Variants in USH2A observed in about 807,000 individuals in gnomAD.
The protein encoded by USH2A is usherin.
USH2A carries 443 observed loss-of-function variants against 538.9 expected under a neutral mutation model. The observed-to-expected ratio is 0.82, with a 90% confidence interval of 0.76 to 0.89. The LOEUF (loss-of-function observed/expected upper bound fraction) is 0.89. Among genes scored for constraint, USH2A ranks in the 40% least tolerant of loss-of-function variants. USH2A has a pLI of 0.00. For missense variants in USH2A, 6,633 were observed against 6,324.8 expected, an observed-to-expected ratio of 1.05 and a Z score of -1.65; for synonymous variants, 2,413 against 2,273.5, an observed-to-expected ratio of 1.06 and a Z score of -1.75.
chr1:215,860,553 T>C (rs1180355531), intron 44 of USH2A, among the ~76,000 whole-genome samples: 1 of 152,136 alleles, frequency 6.6e-6, no homozygotes, highest in Non-Finnish European at 1.5e-5. Context: ...GAAAATCAAA[T>C]CTCAATGTCC....
intron 65 of USH2A, among the ~76,000 whole-genome samples, chr1:215,649,543 A>G (rs1656978821): frequency 6.6e-6 from 1 of 152,242 alleles, no homozygotes. Flanking sequence ...ATAAGCATGG[A>G]TAATCAAGGG....
chr1:215,992,141 C>G (rs867993915), intron 35 of USH2A, among the ~76,000 whole-genome samples: 5 of 152,086 alleles, frequency 3.3e-5, no homozygotes, highest in African/African-American at 1.2e-4. Context: ...AAAACTGTAA[C>G]TTTTTTCTTT....
chr1:215,632,175 G>C (rs868317195), intron 70 of USH2A, among the ~76,000 whole-genome samples: 2 of 151,982 alleles, frequency 1.3e-5, no homozygotes, highest in Non-Finnish European at 2.9e-5. Context: ...CCATTCTCCT[G>C]CCTCAACCTC....
chr1:215,715,608 A>G (rs1659460411), intron 61 of USH2A, among the ~76,000 whole-genome samples: 1 of 152,138 alleles, frequency 6.6e-6, no homozygotes, highest in African/African-American at 2.4e-5. Context: ...TTTCAGAGAT[A>G]ATGAAGAGAG....
In USH2A at chr1:216,395,207, G is replaced by A. The variant is rs562527599; in HGVS notation, c.651+23307C>T. 1.8e-4 allele frequency among the ~76,000 whole-genome samples: 27 copies of A among 152,138 alleles called. No individual in the cohort carries two copies. In the South Asian group the frequency reaches 5.6e-3, roughly 32 times the overall value. ...TATTTTTTGAGGCTGACAATTCTATGTTCTTTCTTTGAATCAAAATATTTA... is the reference window on the plus strand; with the variant it reads ...TATTTTTTGAGGCTGACAATTCTATATTCTTTCTTTGAATCAAAATATTTA... On this transcript the variant is annotated intron_variant, in intron 3 of 71. Coordinates refer to ENST00000307340, the MANE Select transcript of USH2A (RefSeq NM_206933.4).
chr1:215,793,518 C>T (rs900966685), intron 50 of USH2A, among the ~76,000 whole-genome samples: 2 of 152,134 alleles, frequency 1.3e-5, no homozygotes, highest in Non-Finnish European at 1.5e-5. Flanking sequence ...AGTAAAAATG[C>T]TCCCCAAATC....
At position 215,970,787 on chromosome 1, in the gene USH2A, A is replaced by G. The variant is rs1214148688; in HGVS notation, c.6806-11T>C. 1 of 1,613,040 alleles carries G rather than the reference A, an allele frequency of 6.2e-7. No homozygotes were observed. Among genetic ancestry groups the G allele is most frequent in the Non-Finnish European group, 8.5e-7 (1 of 1,179,306 alleles). On this transcript the variant is annotated splice_polypyrimidine_tract_variant and intron_variant, in intron 35 of 71. Transcript: ENST00000307340. Reference sequence around the variant, plus strand: ...AACTCGTGATAACACCTGGGAAGATAATAATTGCCTTTCAGTATGACTACT... The same window carrying G: ...AACTCGTGATAACACCTGGGAAGATGATAATTGCCTTTCAGTATGACTACT...
intron 40 of USH2A, among the ~76,000 whole-genome samples, chr1:215,896,695 G>T (rs1665352191): frequency 6.6e-6 from 1 of 152,112 alleles, no homozygotes; most frequent in African/African-American, 2.4e-5. Context: ...AGGAGTGATG[G>T]TTATCTTTGT....
chr1:215,666,353 C>T (rs1367704523), intron 64 of USH2A, among the ~76,000 whole-genome samples: 1 of 152,188 alleles, frequency 6.6e-6, no homozygotes, highest in Non-Finnish European at 1.5e-5. Context: ...TTCTGTTCTC[C>T]TTTCTAGTTT....
In USH2A at chr1:216,325,447, C is replaced by G. The variant is rs758303489; in HGVS notation, c.1001G>C (p.Arg334Pro). The G allele has an allele frequency of 1.2e-6, 2 of 1,613,894 alleles. No homozygotes were observed. Among genetic ancestry groups the G allele is most frequent in the South Asian group, 1.1e-5 (1 of 91,072 alleles). The change falls in exon 6 of 72, where the codon CGG becomes CCG. Residue 334 changes from arginine (R) to proline (P), a missense_variant. By Grantham distance (103) the Arg-to-Pro change is moderately radical. Transcript: ENST00000307340. Reference protein sequence around the residue: ...AGDTADNRVSRLNPEAHPLSF... With the variant: ...AGDTADNRVSPLNPEAHPLSF... ...GAGAGGATGGGCTTCAGGATTCAAC[C>G]GTGACACTCTATTATCAGCTGTGTC...
At chr1:215,756,006 G>A (rs1289123598) in intron 58 of USH2A, among the ~76,000 whole-genome samples, 1 of 152,146 alleles carries the variant, frequency 6.6e-6, no homozygotes, top group Non-Finnish European at 1.5e-5. Context: ...TTGAGACCCA[G>A]CAAATGTTGG....
intron 21 of USH2A, among the ~76,000 whole-genome samples, chr1:216,097,983 A>G (rs1003383561): frequency 4.3e-5 from 5 of 117,016 alleles, no homozygotes; most frequent in African/African-American, 1.8e-4. Context: ...ACATGTCCCC[A>G]TCTCCAGCCC....
chr1:216,185,432 T>C (rs1023432207), intron 20 of USH2A, among the ~76,000 whole-genome samples: 1 of 151,920 alleles, frequency 6.6e-6, no homozygotes, highest in Non-Finnish European at 1.5e-5. Flanking sequence ...GAGACCGAGA[T>C]TTAAGGGGGC....
At chr1:215,694,031 A>C (rs1409240171) in intron 61 of USH2A, among the ~76,000 whole-genome samples, 1 of 152,220 alleles carries the variant, frequency 6.6e-6, no homozygotes, top group Non-Finnish European at 1.5e-5. Context: ...GTGGTTAACT[A>C]TAAAATGTTC....
chr1:216,423,347 G>A lies in USH2A; in HGVS notation c.-338C>T, dbSNP rs1032257571. The A allele has an allele frequency of 5.9e-5, 9 of 152,274 alleles. No individual in the cohort carries two copies. The highest frequency in any genetic ancestry group is 2.2e-4 in the African/African-American group (9 of 41,552). The allele number at this position is 152,274 out of a possible 1,614,324, so 9.4% of individuals were successfully genotyped here. ...GCAAATAGGCTGTAGCAGCAGGAAT[G>A]CTGGAAGGAAGACTTGGGTGCCCAG... is the stretch of plus-strand genomic sequence containing the variant. On this transcript the variant is annotated 5_prime_UTR_variant, in exon 1 of 72. Coordinates refer to ENST00000307340, the MANE Select transcript of USH2A (RefSeq NM_206933.4).
At chr1:215,667,413 A>G (rs1429709171) in intron 64 of USH2A, among the ~76,000 whole-genome samples, 1 of 152,222 alleles carries the variant, frequency 6.6e-6, no homozygotes, top group South Asian at 2.1e-4. Context: ...ATTTCTCCAG[A>G]TATTTCCTGA....
intron 61 of USH2A, among the ~76,000 whole-genome samples, chr1:215,691,766 A>C (rs1287594099): frequency 6.6e-6 from 1 of 152,166 alleles, no homozygotes; most frequent in East Asian, 1.9e-4. Flanking sequence ...TGGCTGGGCT[A>C]GAGTAAGTGT....
intron 3 of USH2A, among the ~76,000 whole-genome samples, chr1:216,387,278 T>C (rs2039023744): frequency 6.6e-6 from 1 of 152,222 alleles, no homozygotes; most frequent in Non-Finnish European, 1.5e-5. Context: ...CTGTTTTTAC[T>C]AAGCTACAAA....
intron 64 of USH2A, among the ~76,000 whole-genome samples, chr1:215,658,509 T>C (rs920796618): frequency 4.6e-5 from 7 of 152,178 alleles, no homozygotes; most frequent in African/African-American, 1.7e-4. Flanking sequence ...AGGCTGGCTT[T>C]CCAATACAGA....
Sources: gnomAD v4.1 joint callset for allele counts (sites outside exome capture counted in the v4.1 genomes callset) on GRCh38, gnomAD v4.1.1 for gene constraint, MANE v1.5 for transcripts, NCBI Gene and HGNC (gene_info 2026-07-23, HGNC 2026-07-21) for gene names.